The following XIST variants were observed in gnomAD, a reference collection of about 807,000 sequenced individuals.
XIST encodes X inactive specific transcript.
exon 1 of XIST, chrX:73,849,574 A>T (rs779995159): frequency 7.2e-6 from 4 of 558,716 alleles, no homozygotes; most frequent in Non-Finnish European, 1.3e-5. Flanking sequence ...ATGCTCTGAT[A>T]GAAAGCTCTC....
At chrX:73,851,342 C>T (rs753753888) in exon 1 of XIST, 13 of 557,793 alleles carry the variant, frequency 2.3e-5, no homozygotes, top group Non-Finnish European at 3.9e-5. Context: ...CAAAGAGGCC[C>T]GCCATGTTTT....
chrX:73,837,549 TA>T, intron 1 of XIST: 1 of 501,900 alleles, frequency 2.0e-6, no homozygotes, highest in Non-Finnish European at 3.6e-6. Context: ...GAAATCTGAA[TA>T]AAATATGGAC....
chrX:73,842,594 C>G (rs1006550996), exon 1 of XIST: 1 of 558,587 alleles, frequency 1.8e-6, no homozygotes, highest in Non-Finnish European at 3.2e-6. Flanking sequence ...AGATCTTGGA[C>G]TGATGGGCTG....
chrX:73,825,404 G>A, exon 6 of XIST: 1 of 555,881 alleles, frequency 1.8e-6, no homozygotes, highest in Non-Finnish European at 3.3e-6. Flanking sequence ...TATCACAGTA[G>A]AATACAAGTG....
chrX:73,851,573 C>T (rs750761415), exon 1 of XIST: 8 of 557,396 alleles, frequency 1.4e-5, no homozygotes, highest in African/African-American at 1.3e-4. Flanking sequence ...AAGCCCTGCA[C>T]CTTAGTCTTT....
exon 1 of XIST, chrX:73,848,146 A>T (rs747221652): frequency 7.2e-6 from 4 of 558,689 alleles, no homozygotes; most frequent in Non-Finnish European, 9.7e-6. Flanking sequence ...AGAGGGTGTG[A>T]GCAGTTGGGA....
exon 1 of XIST, chrX:73,846,241 A>C (rs770624475): frequency 3.6e-6 from 2 of 559,424 alleles, no homozygotes; most frequent in South Asian, 4.4e-5. Context: ...GTCTGAGAGT[A>C]GGATTTTATT....
exon 1 of XIST, chrX:73,841,699 C>T (rs995572331): frequency 9.7e-6 from 5 of 517,946 alleles, no homozygotes; most frequent in Non-Finnish European, 1.7e-5. Context: ...AAATAGGGAA[C>T]TCGTCTTATC....
exon 1 of XIST, chrX:73,846,512 G>A: frequency 1.8e-6 from 1 of 559,373 alleles, no homozygotes; most frequent in Non-Finnish European, 3.2e-6. Flanking sequence ...TATTGCAAAA[G>A]GGGTCGGAGA....
exon 1 of XIST, chrX:73,847,814 A>C (rs950907506): frequency 3.6e-6 from 2 of 559,193 alleles, no homozygotes; most frequent in Admixed American, 2.2e-5. Context: ...AAGGGGTAGA[A>C]TATAGGTTTA....
exon 6 of XIST, chrX:73,825,001 T>C (rs1392406780): frequency 9.7e-6 from 5 of 516,265 alleles, no homozygotes; most frequent in Non-Finnish European, 1.7e-5. Context: ...TTCATAAATA[T>C]GTAGCCCATT....
rs1922118602 is a variant in XIST, at chrX:73,821,646, T to A, written n.18255A>T. The A allele has an allele frequency of 7.2e-6, 4 of 554,363 alleles. No homozygotes were observed. The Admixed American group carries it at 8.9e-5, about 12-fold the overall frequency. 45.7% of individuals were successfully genotyped at this position (554,363 alleles called of 1,213,427 possible). A position where few individuals can be genotyped will look rare whatever the true frequency, so the allele number is the denominator to read the frequency against. The stretch of plus-strand genomic sequence containing the variant: ...AATTCAGAACAAAGGCAGGTTGCCC[T>A]TAAAACAGGTTTGACCTTTTCCTTC... On this transcript the variant is annotated non_coding_transcript_exon_variant, in exon 6 of 6. Coordinates refer to ENST00000429829, the Ensembl canonical transcript of XIST.
chrX:73,828,911 C>A, intron 5 of XIST: 1 of 398,542 alleles, frequency 2.5e-6, no homozygotes, highest in Middle Eastern at 4.1e-4. Context: ...CTTCAGTGAA[C>A]CCAGTCAGTA....
At chrX:73,824,396 T>C in exon 6 of XIST, 1 of 550,415 alleles carries the variant, frequency 1.8e-6, no homozygotes, top group Non-Finnish European at 3.3e-6. Flanking sequence ...GTTACATTTA[T>C]ATGGTGCCTT....
At chrX:73,822,830 A>C (rs1270314858) in exon 6 of XIST, 2 of 557,327 alleles carry the variant, frequency 3.6e-6, no homozygotes, top group African/African-American at 4.5e-5. Flanking sequence ...ACGCATGTCA[A>C]AGGTGATCTG....
At chrX:73,830,999 A>C in intron 4 of XIST, 1 of 515,656 alleles carries the variant, frequency 1.9e-6, no homozygotes, top group Non-Finnish European at 3.5e-6. Context: ...CACTAAGTGC[A>C]ATGTATACTG....
chrX:73,833,744 TTTAATA>T (rs1368030494), intron 2 of XIST: 1 of 125,969 alleles, frequency 7.9e-6, no homozygotes, highest in Non-Finnish European at 1.6e-5. Flanking sequence ...CTTGACTGTT[TTTAATA>T]ATTGGCTATC....
chrX:73,827,370 A>T (rs750393927), exon 6 of XIST: 1 of 558,548 alleles, frequency 1.8e-6, no homozygotes, highest in South Asian at 2.2e-5. Flanking sequence ...AGGGAGATAG[A>T]TTCATGAAGA....
chrX:73,822,949 A>C, exon 6 of XIST: 1 of 558,731 alleles, frequency 1.8e-6, no homozygotes, highest in Non-Finnish European at 3.2e-6. Flanking sequence ...CCACCATAAG[A>C]TAAATGAGAT....
Sources: allele counts gnomAD v4.1 joint callset, GRCh38; gene constraint gnomAD v4.1.1; transcripts MANE v1.5; gene names NCBI Gene and HGNC (gene_info 2026-07-23, HGNC 2026-07-21).